The following PDE1C variants were observed in gnomAD, a reference collection of about 807,000 sequenced individuals.
PDE1C encodes the protein dual specificity calcium/calmodulin-dependent 3',5'-cyclic nucleotide phosphodiesterase 1C.
PDE1C carries 62 observed loss-of-function variants against 93.1 expected under a neutral mutation model. The ratio of observed to expected loss-of-function variants is 0.67; its 90% CI spans 0.54 to 0.82. The LOEUF is 0.82. Among genes scored for constraint, PDE1C ranks in the 40% least tolerant of loss-of-function variants. The pLI is 0.00. For synonymous variants in PDE1C, 325 were observed against 310.1 expected, an observed-to-expected ratio of 1.05 and a Z score of -0.50; for missense variants, 742 against 884.6, an observed-to-expected ratio of 0.84 and a Z score of 2.04.
chr7:31,674,984 A>G, the PDE1C span, among the ~76,000 whole-genome samples: 1 of 152,204 alleles, frequency 6.6e-6, no homozygotes, highest in Non-Finnish European at 1.5e-5. Flanking sequence ...GTATACTCAC[A>G]TGGGATTTAG....
the PDE1C span, among the ~76,000 whole-genome samples, chr7:31,637,263 G>A: frequency 6.6e-6 from 1 of 152,108 alleles, no homozygotes; most frequent in Non-Finnish European, 1.5e-5. Context: ...GTAATGGGAT[G>A]GCTGGGTCAA....
chr7:31,717,562 T>C, the PDE1C span, among the ~76,000 whole-genome samples: 1 of 152,008 alleles, frequency 6.6e-6, no homozygotes, highest in Non-Finnish European at 1.5e-5. Flanking sequence ...ATCCAGAGAA[T>C]GGGGCCCCAA....
At chr7:31,685,906 C>T in the PDE1C span, among the ~76,000 whole-genome samples, 4 of 152,154 alleles carry the variant, frequency 2.6e-5, no homozygotes, top group African/African-American at 9.7e-5. Flanking sequence ...AGTCCATTCT[C>T]TGCTTATCTG....
At chr7:31,898,020 T>TTGTGTGTG (rs140101637) in intron 2 of PDE1C, among the ~76,000 whole-genome samples, 22 of 146,050 alleles carry the variant, frequency 1.5e-4, no homozygotes, top group Admixed American at 2.7e-4. Context: ...TTTGGTTTCT[T>TTGTGTGTG]TGTGTGTGTG....
chr7:31,714,367 TATC>T, the PDE1C span, among the ~76,000 whole-genome samples: 1,002 of 152,274 alleles, frequency 6.6e-3, 9 homozygotes, highest in African/African-American at 0.023. Context: ...TCTATATAAT[TATC>T]ATCATTTTGT....
intron 8 of PDE1C, among the ~76,000 whole-genome samples, chr7:31,850,097 A>G (rs1010471014): frequency 4.6e-5 from 7 of 152,076 alleles, no homozygotes; most frequent in African/African-American, 1.7e-4. Context: ...CAGGTTGCTC[A>G]CGGTGAAAGT....
At chr7:32,299,004 G>A (rs970778600) in exon 1 of PDE1C, 130 of 1,260,488 alleles carry the variant, frequency 1.0e-4, no homozygotes, top group Non-Finnish European at 1.2e-4. Flanking sequence ...GCGGCGAGAG[G>A]AGTGTCAGGA....
intron 7 of PDE1C, among the ~76,000 whole-genome samples, chr7:31,861,628 T>C (rs1402241049): frequency 1.3e-5 from 2 of 152,122 alleles, no homozygotes; most frequent in Non-Finnish European, 2.9e-5. Context: ...TCGATTCCCC[T>C]CTTTAATGTT....
At chr7:32,343,285 C>G (rs1653885) in intron 1 of PDE1C, among the ~76,000 whole-genome samples, 147,356 of 152,322 alleles carry the variant, frequency 0.97, 71,482 homozygotes, top group East Asian at 1. Context: ...AGGACACCAA[C>G]GCTTGGAGAA....
intron 16 of PDE1C, among the ~76,000 whole-genome samples, chr7:31,804,796 A>G (rs944875007): frequency 6.6e-5 from 10 of 151,850 alleles, no homozygotes; most frequent in African/African-American, 2.4e-4. Flanking sequence ...TTCAACAGTC[A>G]ATCTGATAAA....
the PDE1C span, chr7:31,643,412 C>G: frequency 1.9e-6 from 3 of 1,613,854 alleles, no homozygotes; most frequent in African/African-American, 4.0e-5. Flanking sequence ...AAGTCAAGGT[C>G]TGGTACTTTG....
chr7:32,076,760 CT>C (rs1010037291), intron 3 of PDE1C, among the ~76,000 whole-genome samples: 2 of 151,974 alleles, frequency 1.3e-5, no homozygotes, highest in African/African-American at 2.4e-5. Flanking sequence ...ATTGAGCCCC[CT>C]GATCCTGCTA....
At chr7:31,780,924 G>A (rs1783365791) in intron 16 of PDE1C, among the ~76,000 whole-genome samples, 1 of 152,080 alleles carries the variant, frequency 6.6e-6, no homozygotes, top group South Asian at 2.1e-4. Flanking sequence ...ACAGCATGTG[G>A]CCATTTAAGG....
chr7:32,379,229 G>A lies in PDE1C; in HGVS notation c.310+48593C>T, dbSNP rs141014618. On this transcript the variant is annotated intron_variant, in intron 1 of 1. Transcript: ENST00000672256. ...CTTGAGGGCATGTTGATTCACTGAT[G>A]CTCCTGGCAGCACCAACATCCCCAA... Among the ~76,000 whole-genome samples, 507 of 152,240 alleles carry A rather than the reference G, an allele frequency of 3.3e-3. 5 individuals are homozygous for A. Among genetic ancestry groups the A allele is most frequent in the African/African-American group, 0.011 (477 of 41,536 alleles).
At chr7:31,978,240 A>C (rs1811920940) in intron 2 of PDE1C, among the ~76,000 whole-genome samples, 1 of 152,206 alleles carries the variant, frequency 6.6e-6, no homozygotes, top group Non-Finnish European at 1.5e-5. Context: ...GATCTCCTAC[A>C]GATAAAACCT....
At chr7:31,954,076 T>C (rs150645692) in intron 2 of PDE1C, among the ~76,000 whole-genome samples, 1 of 152,358 alleles carries the variant, frequency 6.6e-6, no homozygotes, top group Non-Finnish European at 1.5e-5. Context: ...CCTATTTGTG[T>C]AGCCAAGTGG....
Position 32,295,328 on chromosome 7 carries a change from G to A in PDE1C, c.85+3323C>T, listed in dbSNP as rs138273467. Among the ~76,000 whole-genome samples the A allele has an allele frequency of 3.2e-3, 492 of 152,280 alleles. 3 individuals are homozygous for A. Among genetic ancestry groups the A allele is most frequent in the African/African-American group, 0.011 (456 of 41,560 alleles). On this transcript the variant is annotated intron_variant, in intron 1 of 18. Transcript: ENST00000396193. ...GCAGCATGATGTGTGGGACAAACCC[G>A]GGCTGACGGGTCAGGGCAGATGTGG...
In PDE1C at chr7:32,091,895, C is replaced by A. The variant is rs114903928; in HGVS notation, c.308+77890G>T. Among the ~76,000 whole-genome samples the A allele has an allele frequency of 3.5e-3, 533 of 152,284 alleles. 1 individual carries two copies. Among genetic ancestry groups the A allele is most frequent in the African/African-American group, 0.012 (510 of 41,558 alleles). On this transcript the variant is annotated intron_variant, in intron 3 of 18. Coordinates refer to the PDE1C transcript ENST00000396193. ...AAGGGAAAGTCCAGGTAAGAGGCTA[C>A]ATCTAGTTCCCAGGCAAAAGATGGT...
intron 1 of PDE1C, among the ~76,000 whole-genome samples, chr7:32,400,035 A>G (rs1168248977): frequency 6.6e-6 from 1 of 152,210 alleles, no homozygotes. Context: ...ACAGGTTCTC[A>G]TTTGTAAAGT....
Sources: gnomAD v4.1 joint callset for allele counts (sites outside exome capture counted in the v4.1 genomes callset) on GRCh38, gnomAD v4.1.1 for gene constraint, MANE v1.5 for transcripts, NCBI Gene and HGNC (gene_info 2026-07-23, HGNC 2026-07-21) for gene names.